WDHD1: variants seen among roughly 807,000 people sequenced by gnomAD.
WDHD1 encodes WD repeat and HMG-box DNA-binding protein 1.
Under a neutral mutation model 135.4 loss-of-function variants are expected in WDHD1, and 111 were observed. That is an observed-to-expected ratio of 0.82 (90% CI 0.70 to 0.96). The LOEUF is 0.96. Ranked by LOEUF, WDHD1 falls within the 40% of genes least tolerant of loss-of-function variation. The probability of loss-of-function intolerance (pLI) is 0.00; values close to 1 mark genes in which losing one functional copy is unlikely to be tolerated. For synonymous variants in WDHD1, 434 were observed against 439.0 expected (o/e 0.99, Z 0.14); for missense variants, 1,351 against 1,336.3 (o/e 1.01, Z -0.17).
chr14:55,000,595 T>C lies in WDHD1; in HGVS notation c.850A>G (p.Thr284Ala), dbSNP rs754027340. ...YAICGLAWHP[T>A]CGRISYTDAE... ...TCAGTATACGATATTCGACCACAAG[T>C]AGGATGCCATGCCAGACCACAAATT... The change falls in exon 10 of 26, where the codon ACT (threonine) becomes GCT (alanine). Residue 284 changes from threonine (T) to alanine (A), a missense_variant. Thr to Ala is a moderately conservative substitution (Grantham distance 58, BLOSUM62 0). This residue lies in a region of WDHD1 where 1,330 missense variants were observed against 1,296.1 expected (regional missense o/e 1.03). Transcript: ENST00000360586. The C allele has an allele frequency of 9.3e-6, 15 of 1,605,158 alleles. No homozygotes were observed. Among genetic ancestry groups the C allele is most frequent in the South Asian group, 5.6e-5 (5 of 89,706 alleles).
At chr14:55,022,824 C>CT (rs869133747) in intron 2 of WDHD1, among the ~76,000 whole-genome samples, 4,070 of 136,714 alleles carry the variant, frequency 0.03, 121 homozygotes, top group African/African-American at 0.072. Flanking sequence ...CTTTCTCTTT[C>CT]TTTTTTTTTT....
rs891633167 is a variant in WDHD1, at chr14:55,008,167, G to A, written c.504+149C>T. ...CGTATTTATTTGGCACTAGAATACT[G>A]TGGACTTTGATCACAAAAACAGTAT... On this transcript the variant is annotated intron_variant, in intron 6 of 25. Transcript: ENST00000360586. 5 of 669,582 alleles carry A rather than the reference G, an allele frequency of 7.5e-6. No individual in the cohort carries two copies. In the African/African-American group the frequency reaches 9.0e-5, roughly 12 times the overall value. The allele number at this position is 669,582 out of a possible 1,614,324, so 41.5% of individuals were successfully genotyped here.
At chr14:55,006,124 A>G (rs556521537) in intron 7 of WDHD1, among the ~76,000 whole-genome samples, 1 of 152,276 alleles carries the variant, frequency 6.6e-6, no homozygotes, top group East Asian at 1.9e-4. Flanking sequence ...TCAGCCTCCC[A>G]AAGTGCTGGG....
chr14:54,998,176 G>C (rs2041917155), intron 10 of WDHD1, among the ~76,000 whole-genome samples: 2 of 151,350 alleles, frequency 1.3e-5, no homozygotes, highest in Non-Finnish European at 2.9e-5. Context: ...TTGCACTCCA[G>C]CCTGGGCAAC....
intron 2 of WDHD1, among the ~76,000 whole-genome samples, chr14:55,015,299 A>G (rs1248380515): frequency 6.7e-6 from 1 of 148,248 alleles, no homozygotes; most frequent in African/African-American, 2.5e-5. Flanking sequence ...AGGCATGAGA[A>G]TCATTTGAAC....
intron 3 of WDHD1, among the ~76,000 whole-genome samples, chr14:55,011,739 G>A (rs544541396): frequency 6.6e-6 from 1 of 150,760 alleles, no homozygotes; most frequent in Non-Finnish European, 1.5e-5. Flanking sequence ...TTTACTTATT[G>A]TAAACTTATT....
chr14:54,994,755 C>T lies in WDHD1; in HGVS notation c.1153+848G>A, dbSNP rs1406115478. Among the ~76,000 whole-genome samples, 7 of 144,882 alleles carry T rather than the reference C, an allele frequency of 4.8e-5. No individual in the cohort carries two copies. The South Asian group carries it at 1.1e-3, about 24-fold the overall frequency. ...CAGCCTGGGTGACAGAGTGAGACTC[C>T]GCCTCAAAAAAAAAAAAAAAATCCG... On this transcript the variant is annotated intron_variant, in intron 11 of 25. Coordinates refer to ENST00000360586, the MANE Select transcript of WDHD1 (RefSeq NM_007086.4).
At chr14:54,979,125 G>T (rs1321905996) in intron 16 of WDHD1, among the ~76,000 whole-genome samples, 6 of 151,482 alleles carry the variant, frequency 4.0e-5, no homozygotes, top group Non-Finnish European at 7.4e-5. Flanking sequence ...CCTCCTTTAG[G>T]TGCCACCCCA....
intron 21 of WDHD1, among the ~76,000 whole-genome samples, chr14:54,959,511 C>T (rs1025543472): frequency 1.3e-5 from 2 of 151,836 alleles, no homozygotes; most frequent in African/African-American, 2.4e-5. Flanking sequence ...GCCTGTAATC[C>T]GAAAATTTTG....
chr14:54,983,449 G>A (rs1481548801), intron 15 of WDHD1, among the ~76,000 whole-genome samples: 3 of 151,986 alleles, frequency 2.0e-5, no homozygotes, highest in Non-Finnish European at 4.4e-5. Context: ...GAGGCGGGTG[G>A]ATCACATGAG....
chr14:55,018,823 G>A (rs1386183420), intron 2 of WDHD1, among the ~76,000 whole-genome samples: 1 of 151,944 alleles, frequency 6.6e-6, no homozygotes, highest in Non-Finnish European at 1.5e-5. Context: ...TGGGAGGCGA[G>A]ACCAGCCTGA....
rs2040823358 is a variant in WDHD1 at position 54,940,577 on chromosome 14, G to A, written c.*913C>T. 1 of 152,034 alleles carries A rather than the reference G, an allele frequency of 6.6e-6. No homozygotes were observed. The highest frequency in any genetic ancestry group is 1.5e-5 in the Non-Finnish European group (1 of 68,008). 9.4% of individuals were successfully genotyped at this position (152,034 alleles called of 1,614,324 possible). On this transcript the variant is annotated 3_prime_UTR_variant, in exon 26 of 26. Transcript: ENST00000360586. ...AGTCTCTGCTTAGAAAACCAAAAATGTATGACATGATTAAACCTTGTTTGT... is the reference window on the plus strand; with the variant it reads ...AGTCTCTGCTTAGAAAACCAAAAATATATGACATGATTAAACCTTGTTTGT...
chr14:54,941,775 A>G, intron 25 of WDHD1, 85 bp from the exon 26 acceptor site: 3 of 1,164,104 alleles, frequency 2.6e-6, no homozygotes, highest in Non-Finnish European at 3.6e-6. Context: ...TTTCCAGGTA[A>G]TATTTTTATA....
intron 15 of WDHD1, among the ~76,000 whole-genome samples, chr14:54,982,173 A>AC (rs1555369078): frequency 3.1e-4 from 46 of 150,474 alleles, no homozygotes; most frequent in Non-Finnish European, 1.5e-4. Context: ...CGCCCAGCTA[A>AC]TTTTTTTTTG....
rs145521075 is a variant in WDHD1, at chr14:54,989,085, G to C, written c.1469C>G (p.Ala490Gly). 1 of 1,613,644 alleles carries C rather than the reference G, an allele frequency of 6.2e-7. No individual in the cohort carries two copies. The highest frequency in any genetic ancestry group is 8.5e-7 in the Non-Finnish European group (1 of 1,179,778). Residue 490 changes from alanine to glycine, a missense_variant, in exon 13 of 26, where the codon GCA (alanine) becomes GGA (glycine). Physicochemically the swap from Ala to Gly is moderately conservative, Grantham distance 60. Transcript: ENST00000360586. ...HLSNTLNYTI[A>G]DLSHEAILLA... ...CAAAATAGCTTCGTGGGAAAGATCT[G>C]CTATTGTATAATTCAAAGTGTTTGA...
intron 2 of WDHD1, among the ~76,000 whole-genome samples, chr14:55,025,417 TAGTCTCTGTGTCTTTTTCTTTCCTA>T (rs1380459777): frequency 6.9e-6 from 1 of 145,748 alleles, no homozygotes; most frequent in East Asian, 2.0e-4. Flanking sequence ...TCTCTATACT[TAGTCTCTGTGTCTTTTTCTTTCCTA>T]AGTCTCTCGT....
At chr14:54,964,452 A>G (rs985470403) in intron 18 of WDHD1, among the ~76,000 whole-genome samples, 4 of 152,122 alleles carry the variant, frequency 2.6e-5, no homozygotes, top group Non-Finnish European at 5.9e-5. Context: ...CATACTGGCT[A>G]ACACGGTGAA....
chr14:54,950,110 A>T (rs1020792230), intron 24 of WDHD1, among the ~76,000 whole-genome samples: 2 of 152,250 alleles, frequency 1.3e-5, no homozygotes, highest in African/African-American at 4.8e-5. Flanking sequence ...ACCAGCTAAC[A>T]TCATAATGAC....
At position 54,941,646 on chromosome 14, in the gene WDHD1, A is replaced by G; in HGVS notation, c.3234T>C (p.Thr1078=). The G allele has an allele frequency of 6.2e-7, 1 of 1,613,936 alleles. No individual in the cohort carries two copies. The highest frequency in any genetic ancestry group is 8.5e-7 in the Non-Finnish European group (1 of 1,179,930). The stretch of plus-strand genomic sequence containing the variant: ...CCACACGTTTTCGCTTCTTTGCTTC[A>G]GTTCCTTCACTTGCCGTTTCTCCTT... ...KAKGETASEG[T]EAKKRKRVVD... is the part of the protein sequence containing the mutation. The change falls in exon 26 of 26, where the codon ACT becomes ACC. Residue 1078 remains threonine, a synonymous_variant. Coordinates refer to ENST00000360586, the MANE Select transcript of WDHD1 (RefSeq NM_007086.4).
Sources: gnomAD v4.1 joint callset for allele counts (sites outside exome capture counted in the v4.1 genomes callset) on GRCh38, gnomAD v4.1.1 for gene constraint, gnomAD v4.1.1 regional missense constraint, MANE v1.5 for transcripts, NCBI Gene and HGNC (gene_info 2026-07-23, HGNC 2026-07-21) for gene names.